The following ANKEF1 variants were observed in gnomAD, a reference collection of about 807,000 sequenced individuals.
ANKEF1 encodes ankyrin repeat and EF-hand domain-containing protein 1.
A neutral mutation model predicts 65.1 loss-of-function variants in ANKEF1; 43 were observed. The ratio of observed to expected loss-of-function variants is 0.66; its 90% CI spans 0.52 to 0.85. The LOEUF is 0.85. ANKEF1 is among the 40% of genes least tolerant of loss of function. ANKEF1 has a pLI of 0.00. For synonymous variants in ANKEF1, 316 were observed against 341.5 expected, an observed-to-expected ratio of 0.93 and a Z score of 0.82; for missense variants, 934 against 952.9, an observed-to-expected ratio of 0.98 and a Z score of 0.26.
At chr20:10,051,641 G>T (rs141444129) in intron 7 of ANKEF1, 22 bp from the exon 8 acceptor site, 1 of 1,570,994 alleles carries the variant, frequency 6.4e-7, no homozygotes, top group Non-Finnish European at 8.7e-7. Flanking sequence ...TTTTTAGTTT[G>T]TTCATCTATC....
intron 7 of ANKEF1, among the ~76,000 whole-genome samples, chr20:10,051,445 C>T (rs935516575): frequency 3.3e-5 from 5 of 152,088 alleles, no homozygotes; most frequent in African/African-American, 7.2e-5. Flanking sequence ...CTTTGCAAAT[C>T]GTAATCCCTA....
intron 2 of ANKEF1, among the ~76,000 whole-genome samples, chr20:10,037,837 T>G (rs1221874380): frequency 6.6e-6 from 1 of 152,228 alleles, no homozygotes; most frequent in Non-Finnish European, 1.5e-5. Flanking sequence ...TTGTTTATAA[T>G]GAACACCTCA....
In ANKEF1 at chr20:10,054,552, A is replaced by G; in HGVS notation, c.2125A>G (p.Thr709Ala). The G allele has an allele frequency of 2.5e-6, 4 of 1,609,958 alleles. No individual in the cohort carries two copies. The highest frequency in any genetic ancestry group is 3.4e-6 in the Non-Finnish European group (4 of 1,178,424). The change falls in exon 10 of 11, where the codon ACC (threonine) becomes GCC (alanine). Residue 709 changes from threonine (T) to alanine (A), a missense_variant. Physicochemically the swap from Thr to Ala is moderately conservative, Grantham distance 58. Coordinates refer to ENST00000378392, the MANE Select transcript of ANKEF1 (RefSeq NM_022096.6). The part of the protein sequence containing the change: ...GNVVHLNSLI[T>A]SGYTKKVDIT... ...TGTGGTTCATCTGAATTCATTGATT[A>G]CCAGTGGTTATACTAAGAAAGTGGA...
intron 2 of ANKEF1, among the ~76,000 whole-genome samples, chr20:10,036,450 A>T (rs1983864470): frequency 6.6e-6 from 1 of 152,066 alleles, no homozygotes; most frequent in South Asian, 2.1e-4. Context: ...AATAGCAGCT[A>T]AGGTGAGTGT....
At chr20:10,050,803 T>C (rs1293686556) in intron 7 of ANKEF1, among the ~76,000 whole-genome samples, 1 of 152,192 alleles carries the variant, frequency 6.6e-6, no homozygotes, top group African/African-American at 2.4e-5. Flanking sequence ...CTGCCTCTAT[T>C]TGAGGATCTC....
At chr20:10,045,456 T>A (rs778065766) in intron 5 of ANKEF1, 118 bp from the exon 6 acceptor site, 7 of 1,011,214 alleles carry the variant, frequency 6.9e-6, no homozygotes, top group Non-Finnish European at 1.0e-5. Context: ...AATTTGAATT[T>A]TCAATAGTCA....
At chr20:10,036,397 G>A (rs953950271) in intron 2 of ANKEF1, among the ~76,000 whole-genome samples, 5 of 151,662 alleles carry the variant, frequency 3.3e-5, no homozygotes, top group Middle Eastern at 3.2e-3. Flanking sequence ...TGATGACACC[G>A]CACCTAATCG....
At chr20:10,035,402 T>G (rs997228497) in intron 1 of ANKEF1, 69 bp downstream of exon 1, 5 of 152,260 alleles carry the variant, frequency 3.3e-5, no homozygotes, top group African/African-American at 1.2e-4. Flanking sequence ...CTTCTCCAGA[T>G]TTTTCTGGAG....
At chr20:10,038,184 CAAAATATTGTTATTTAATCA>C (rs1384525490) in intron 2 of ANKEF1, 54 bp from the exon 3 acceptor site, 1 of 612,786 alleles carries the variant, frequency 1.6e-6, no homozygotes, top group Non-Finnish European at 2.6e-6. Flanking sequence ...AAGGAAGTTC[CAAAATATTGTTATTTAATCA>C]AAATGAAGAT....
At chr20:10,054,328 AT>A (rs1985025616) in intron 9 of ANKEF1, 133 bp from the exon 10 acceptor site, 2 of 653,370 alleles carry the variant, frequency 3.1e-6, no homozygotes, top group Admixed American at 4.2e-5. Flanking sequence ...ATACTATTTT[AT>A]CTCAAATTAT....
chr20:10,050,076 G>A lies in ANKEF1; in HGVS notation c.1507G>A (p.Gly503Arg), dbSNP rs1424191668. ...AAACATTAATATTATCACCAAAGCA[G>A]GGGATCTGGCTTCTCTGAAAAAGGC... Reference protein sequence around the residue: ...FSNINIITKAGDLASLKKAFE... With the variant: ...FSNINIITKARDLASLKKAFE... Residue 503 changes from glycine to arginine, a missense_variant, in exon 7 of 11, where the codon GGG becomes AGG. Coordinates refer to ENST00000378392, the MANE Select transcript of ANKEF1 (RefSeq NM_022096.6). 6.2e-7 allele frequency: 1 copy of A among 1,614,026 alleles called. No individual in the cohort carries two copies. The highest frequency in any genetic ancestry group is 8.5e-7 in the Non-Finnish European group (1 of 1,180,026).
At chr20:10,052,294 C>T (rs149092567) in intron 8 of ANKEF1, among the ~76,000 whole-genome samples, 75 of 145,328 alleles carry the variant, frequency 5.2e-4, no homozygotes, top group Middle Eastern at 3.5e-3. Context: ...AACTATTAGT[C>T]TGTGGACTTG....
At chr20:10,041,739 G>C (rs1984205189) in intron 3 of ANKEF1, among the ~76,000 whole-genome samples, 1 of 152,030 alleles carries the variant, frequency 6.6e-6, no homozygotes, top group Non-Finnish European at 1.5e-5. Context: ...ACTTAGCTTT[G>C]GTTCTGTGGC....
intron 9 of ANKEF1, among the ~76,000 whole-genome samples, chr20:10,053,777 C>T (rs535296): frequency 0.54 from 81,885 of 151,970 alleles, 22,312 homozygotes; most frequent in African/African-American, 0.61. Context: ...TTCTGGGATA[C>T]GGAGCCATTG....
chr20:10,043,977 G>A (rs1052060302), intron 4 of ANKEF1, among the ~76,000 whole-genome samples: 2 of 151,706 alleles, frequency 1.3e-5, no homozygotes, highest in East Asian at 1.9e-4. Flanking sequence ...TATCAATTTC[G>A]TTCACTCTCC....
chr20:10,055,761 AG>A lies in ANKEF1; in HGVS notation c.*102del, dbSNP rs1182682219. ...CAAAGCCAAAGCAATCCATACACCA[AG>A]AACTTGTTACCAAGAATTTCTTTTT... On this transcript the variant is annotated 3_prime_UTR_variant, in exon 11 of 11. Coordinates refer to ENST00000378392, the MANE Select transcript of ANKEF1 (RefSeq NM_022096.6). 5.0e-6 allele frequency: 6 copies of A among 1,202,508 alleles called. No individual in the cohort carries two copies. Among genetic ancestry groups the A allele is most frequent in the Non-Finnish European group, 5.9e-6 (5 of 843,924 alleles). 74.5% of individuals were successfully genotyped at this position (1,202,508 alleles called of 1,614,324 possible). A position where few individuals can be genotyped will look rare whatever the true frequency, so the allele number is the denominator to read the frequency against.
At chr20:10,053,045 AT>A (rs1984955393) in intron 8 of ANKEF1, 66 bp from the exon 9 acceptor site, 9 of 1,483,248 alleles carry the variant, frequency 6.1e-6, no homozygotes, top group Non-Finnish European at 8.1e-6. Flanking sequence ...GTGCTGAGAT[AT>A]TTTTCTACAT....
At chr20:10,046,270 GTTGA>G (rs1984523241) in intron 6 of ANKEF1, among the ~76,000 whole-genome samples, 1 of 152,134 alleles carries the variant, frequency 6.6e-6, no homozygotes, top group African/African-American at 2.4e-5. Flanking sequence ...AAAACTTACA[GTTGA>G]TTAAGTTCCT....
chr20:10,042,489 C>G (rs953934550), intron 3 of ANKEF1, among the ~76,000 whole-genome samples: 6 of 152,026 alleles, frequency 3.9e-5, no homozygotes, highest in African/African-American at 1.4e-4. Flanking sequence ...TAACAGTAAC[C>G]CTGATGTGTA....
Sources: allele counts gnomAD v4.1 joint callset (sites outside exome capture counted in the v4.1 genomes callset), GRCh38; gene constraint gnomAD v4.1.1; transcripts MANE v1.5; gene names NCBI Gene and HGNC (gene_info 2026-07-23, HGNC 2026-07-21).